The following MRAS variants were observed in gnomAD, a reference collection of about 807,000 sequenced individuals.
MRAS encodes the protein ras-related protein M-Ras.
MRAS carries 4 observed loss-of-function variants against 20.9 expected under a neutral mutation model. The observed-to-expected ratio is 0.19, with a 90% CI of 0.09 to 0.44. The LOEUF is 0.44. MRAS is among the 20% of genes least tolerant of loss of function. MRAS has a pLI of 0.99. For synonymous variants in MRAS, 98 were observed against 102.9 expected, an observed-to-expected ratio of 0.95 and a Z score of 0.29; for missense variants, 154 against 277.5, an observed-to-expected ratio of 0.56 and a Z score of 3.16.
At chr3:138,360,591 G>C (rs1009144989) in intron 1 of MRAS, among the ~76,000 whole-genome samples, 1 of 152,166 alleles carries the variant, frequency 6.6e-6, no homozygotes, top group Non-Finnish European at 1.5e-5. Flanking sequence ...GGTGCCCACG[G>C]GTGTCCAGTG....
intron 2 of MRAS, 109 bp downstream of exon 2, chr3:138,373,185 TG>T: frequency 9.7e-7 from 1 of 1,031,296 alleles, no homozygotes; most frequent in Non-Finnish European, 1.3e-6. Context: ...GTTGCTGTTA[TG>T]GGATGGTTGA....
At position 138,363,824 on chromosome 3, in the gene MRAS, C is replaced by CG. The variant is rs796532888; in HGVS notation, c.-18-9042_-18-9041insG. ...TGTGACCTGTTAGAGGATTTACCCCCCCCCCCCCCCAAACCACAGGGTACC... is the reference window on the plus strand; with the variant it reads ...TGTGACCTGTTAGAGGATTTACCCCCGCCCCCCCCCCAAACCACAGGGTACC... On this transcript the variant is annotated intron_variant, in intron 1 of 5. Transcript: ENST00000423968. Among the ~76,000 whole-genome samples the CG allele has an allele frequency of 4.8e-4, 48 of 99,540 alleles. 3 individuals are homozygous for CG. Among genetic ancestry groups the CG allele is most frequent in the African/African-American group, 1.6e-3 (43 of 27,282 alleles). The allele number at this position is 99,540 out of a possible 152,430, so 65.3% of individuals were successfully genotyped here.
Position 138,366,766 on chromosome 3 carries a change from G to T in MRAS, c.-18-6100G>T, listed in dbSNP as rs542786190. 9.6e-4 allele frequency among the ~76,000 whole-genome samples: 146 copies of T among 152,332 alleles called. 2 individuals carry two copies. The highest frequency in any genetic ancestry group is 3.2e-3 in the African/African-American group (132 of 41,580). ...TCCACAGCAGTTGTCCACTAAGGGT[G>T]GGCGTTGTTGCTGCTATGCAGCTCC... On this transcript the variant is annotated intron_variant, in intron 1 of 5. Coordinates refer to ENST00000423968, the MANE Select transcript of MRAS (RefSeq NM_001085049.3).
intron 1 of MRAS, among the ~76,000 whole-genome samples, chr3:138,365,444 C>A: frequency 6.6e-6 from 1 of 152,204 alleles, no homozygotes; most frequent in Non-Finnish European, 1.5e-5. Flanking sequence ...GTAAGCCCAA[C>A]AACAGTGTCC....
At chr3:138,372,057 G>A (rs2054685238) in intron 1 of MRAS, among the ~76,000 whole-genome samples, 1 of 152,090 alleles carries the variant, frequency 6.6e-6, no homozygotes, top group Non-Finnish European at 1.5e-5. Context: ...TTTTAGGATG[G>A]ATAATTCTTC....
At chr3:138,367,357 G>T (rs1466712424) in intron 1 of MRAS, among the ~76,000 whole-genome samples, 11 of 152,178 alleles carry the variant, frequency 7.2e-5, no homozygotes, top group Admixed American at 7.2e-4. Flanking sequence ...AGGTCACACA[G>T]GGAGTCTGTA....
At chr3:138,392,656 A>G (rs2055156788) in intron 2 of MRAS, among the ~76,000 whole-genome samples, 1 of 151,786 alleles carries the variant, frequency 6.6e-6, no homozygotes, top group South Asian at 2.1e-4. Flanking sequence ...TTGTAGATGC[A>G]TTTCTTTTCT....
intron 1 of MRAS, among the ~76,000 whole-genome samples, chr3:138,370,387 C>T (rs7626424): frequency 0.64 from 97,011 of 152,068 alleles, 31,137 homozygotes; most frequent in Admixed American, 0.76. Flanking sequence ...GACAGAGCAG[C>T]AGTTGCAGAG....
At chr3:138,399,942 C>T (rs1348550573) in intron 4 of MRAS, among the ~76,000 whole-genome samples, 6 of 152,338 alleles carry the variant, frequency 3.9e-5, no homozygotes, top group Non-Finnish European at 5.9e-5. Flanking sequence ...TGCACCCTTT[C>T]GACCGGGTGA....
chr3:138,386,091 C>G (rs1403629248), intron 2 of MRAS, among the ~76,000 whole-genome samples: 1 of 152,056 alleles, frequency 6.6e-6, no homozygotes, highest in African/African-American at 2.4e-5. Flanking sequence ...AGATAAAATT[C>G]ACATGCAGAA....
At chr3:138,392,393 T>G (rs946237395) in intron 2 of MRAS, among the ~76,000 whole-genome samples, 1 of 152,194 alleles carries the variant, frequency 6.6e-6, no homozygotes, top group African/African-American at 2.4e-5. Flanking sequence ...ATTTTGTTAT[T>G]TAATGACAGG....
chr3:138,358,629 A>G (rs2054383519), intron 1 of MRAS, among the ~76,000 whole-genome samples: 1 of 152,210 alleles, frequency 6.6e-6, no homozygotes, highest in African/African-American at 2.4e-5. Context: ...GGCATTGGAG[A>G]TACAGTGGAG....
chr3:138,370,180 A>G (rs928065760), intron 1 of MRAS, among the ~76,000 whole-genome samples: 2 of 152,244 alleles, frequency 1.3e-5, no homozygotes, highest in South Asian at 2.1e-4. Context: ...TTAGCCAGGC[A>G]TGGTGGTGGG....
chr3:138,398,822 C>T (rs1428692549), intron 4 of MRAS, among the ~76,000 whole-genome samples: 1 of 152,174 alleles, frequency 6.6e-6, no homozygotes, highest in Non-Finnish European at 1.5e-5. Context: ...TCATACAACT[C>T]AGGGACTTCT....
chr3:138,395,268 C>T (rs1385679192), intron 2 of MRAS, among the ~76,000 whole-genome samples: 33 of 152,070 alleles, frequency 2.2e-4, no homozygotes, highest in Admixed American at 2.2e-3. Context: ...AACTCCTGAC[C>T]TCAGGTGATC....
intron 1 of MRAS, among the ~76,000 whole-genome samples, chr3:138,363,557 CT>C (rs2054494754): frequency 6.6e-6 from 1 of 152,144 alleles, no homozygotes; most frequent in Admixed American, 6.5e-5. Context: ...GCCCCACAGG[CT>C]GGGGCTGGGC....
intron 2 of MRAS, among the ~76,000 whole-genome samples, chr3:138,380,511 G>A (rs944884349): frequency 5.8e-5 from 8 of 136,946 alleles, no homozygotes; most frequent in Admixed American, 3.7e-4. Context: ...TGGGGTTTCC[G>A]TGTTGGCCAG....
chr3:138,366,890 C>T lies in MRAS; in HGVS notation c.-18-5976C>T, dbSNP rs1399461799. On this transcript the variant is annotated intron_variant, in intron 1 of 5. Coordinates refer to ENST00000423968, the MANE Select transcript of MRAS (RefSeq NM_001085049.3). ...TGGAGAGGCTAGGGGACCTATGGAC[C>T]CCTTGGCAACATCTGTAGCTGAAGC... 3.3e-5 allele frequency among the ~76,000 whole-genome samples: 5 copies of T among 152,270 alleles called. No individual in the cohort carries two copies. The East Asian group carries it at 7.7e-4, about 24-fold the overall frequency.
At chr3:138,349,718 G>A (rs565260002) in intron 1 of MRAS, 3 of 152,396 alleles carry the variant, frequency 2.0e-5, no homozygotes, top group South Asian at 2.1e-4. Context: ...CAGAGAGGGT[G>A]GCTGACAAGG....
Sources: allele counts gnomAD v4.1 joint callset (sites outside exome capture counted in the v4.1 genomes callset), GRCh38; gene constraint gnomAD v4.1.1; transcripts MANE v1.5; gene names NCBI Gene and HGNC (gene_info 2026-07-23, HGNC 2026-07-21).